The following TMEM245 variants were observed in gnomAD, a reference collection of about 807,000 sequenced individuals.
The protein encoded by TMEM245 is transmembrane protein 245, also known as protein CG-2.
In TMEM245, 69 loss-of-function variants were observed where a neutral mutation model predicts 101.2. That is an observed-to-expected ratio of 0.68 (90% CI 0.56 to 0.83). The LOEUF (loss-of-function observed/expected upper bound fraction) is 0.83. Ranked by LOEUF, TMEM245 falls within the 40% of genes least tolerant of loss-of-function variation. The pLI is 0.00. For synonymous variants in TMEM245, 537 were observed against 449.8 expected (o/e 1.19, Z -2.45); for missense variants, 1,075 against 1,092.8 (o/e 0.98, Z 0.23).
intron 14 of TMEM245, among the ~76,000 whole-genome samples, chr9:109,049,470 T>G (rs1828606353): frequency 6.6e-6 from 1 of 152,156 alleles, no homozygotes; most frequent in Admixed American, 6.5e-5. Context: ...TGCCTCAGCC[T>G]CCCAAAGTGC....
At chr9:109,095,904 G>C (rs941863661) in intron 3 of TMEM245, among the ~76,000 whole-genome samples, 9 of 152,172 alleles carry the variant, frequency 5.9e-5, no homozygotes, top group African/African-American at 1.9e-4. Context: ...AAAGAGACTA[G>C]AGGGGACCTA....
At chr9:109,048,981 A>G (rs1473703884) in intron 14 of TMEM245, among the ~76,000 whole-genome samples, 1 of 152,190 alleles carries the variant, frequency 6.6e-6, no homozygotes, top group Non-Finnish European at 1.5e-5. Context: ...GACAGAGGAG[A>G]AACAGGAAGT....
chr9:109,073,860 T>TTTG (rs1347471395), intron 8 of TMEM245, among the ~76,000 whole-genome samples: 19 of 148,204 alleles, frequency 1.3e-4, no homozygotes, highest in African/African-American at 4.7e-4. Flanking sequence ...TTTTTTGTTT[T>TTTG]TTTTTTTTTT....
At chr9:109,075,460 T>C (rs922800122) in intron 8 of TMEM245, among the ~76,000 whole-genome samples, 1 of 152,216 alleles carries the variant, frequency 6.6e-6, no homozygotes, top group Non-Finnish European at 1.5e-5. Flanking sequence ...ACATGTTTGA[T>C]AAAACTCATC....
chr9:109,075,208 C>G (rs1161392601), intron 8 of TMEM245, among the ~76,000 whole-genome samples: 2 of 152,202 alleles, frequency 1.3e-5, no homozygotes, highest in East Asian at 3.8e-4. Context: ...ACGGGTTTTA[C>G]ATTCCCGAAA....
At chr9:109,096,156 G>A (rs565469605) in intron 3 of TMEM245, among the ~76,000 whole-genome samples, 1 of 152,300 alleles carries the variant, frequency 6.6e-6, no homozygotes, top group Admixed American at 6.5e-5. Flanking sequence ...TGGCATATTA[G>A]AGTTATTTTT....
intron 1 of TMEM245, among the ~76,000 whole-genome samples, chr9:109,115,376 T>A (rs1830692571): frequency 6.7e-6 from 1 of 149,424 alleles, no homozygotes; most frequent in African/African-American, 2.5e-5. Context: ...AAAACATAGG[T>A]CCCAAAGACA....
intron 3 of TMEM245, among the ~76,000 whole-genome samples, chr9:109,102,162 T>C (rs1317521055): frequency 6.6e-6 from 1 of 152,144 alleles, no homozygotes; most frequent in Non-Finnish European, 1.5e-5. Flanking sequence ...ACAGGAAATT[T>C]ACTTCCACTA....
chr9:109,104,823 G>C (rs1475784107), intron 3 of TMEM245, among the ~76,000 whole-genome samples: 1 of 152,092 alleles, frequency 6.6e-6, no homozygotes, highest in Non-Finnish European at 1.5e-5. Flanking sequence ...AAAAGAATGA[G>C]GTTGGATCCT....
chr9:109,077,769 T>G (rs890427848), intron 8 of TMEM245, among the ~76,000 whole-genome samples: 3 of 152,334 alleles, frequency 2.0e-5, no homozygotes, highest in Middle Eastern at 6.8e-3. Context: ...ACAGTGTATG[T>G]TTTTTAATAT....
At chr9:109,040,284 A>T (rs1828263700) in intron 14 of TMEM245, among the ~76,000 whole-genome samples, 1 of 152,178 alleles carries the variant, frequency 6.6e-6, no homozygotes, top group African/African-American at 2.4e-5. Context: ...TTACCAGAAA[A>T]CAGAATTTAA....
intron 17 of TMEM245, among the ~76,000 whole-genome samples, chr9:109,023,089 A>C (rs1011084799): frequency 6.6e-6 from 1 of 152,212 alleles, no homozygotes; most frequent in Non-Finnish European, 1.5e-5. Context: ...AAGTCTCCAA[A>C]AGGACTCAGG....
intron 12 of TMEM245, among the ~76,000 whole-genome samples, chr9:109,052,510 C>T (rs1487631748): frequency 6.6e-6 from 1 of 152,168 alleles, no homozygotes; most frequent in East Asian, 1.9e-4. Context: ...CATTCCTTTC[C>T]TACTTCAGAT....
In TMEM245 at chr9:109,020,291, G is replaced by A. The variant is rs1239406968; in HGVS notation, c.*169C>T. 2.5e-5 allele frequency: 18 copies of A among 729,878 alleles called. No homozygotes were observed. Among genetic ancestry groups the A allele is most frequent in the Admixed American group, 1.4e-4 (7 of 48,800 alleles). 45.2% of individuals were successfully genotyped at this position (729,878 alleles called of 1,614,324 possible). On this transcript the variant is annotated 3_prime_UTR_variant, in exon 18 of 18. Transcript: ENST00000374586. ...TGTGTTTTAAAATACAAAGCAGCCCGCAGCAAGTTCTCTCTTGTCCAGGCA... is the reference window on the plus strand; with the variant it reads ...TGTGTTTTAAAATACAAAGCAGCCCACAGCAAGTTCTCTCTTGTCCAGGCA...
chr9:109,091,762 T>C (rs1359953165), intron 4 of TMEM245, among the ~76,000 whole-genome samples: 7 of 152,206 alleles, frequency 4.6e-5, no homozygotes. Flanking sequence ...TTTCTAACAA[T>C]GCAACCACCA....
At chr9:109,083,554 T>A (rs1290082364) in intron 7 of TMEM245, among the ~76,000 whole-genome samples, 2 of 152,204 alleles carry the variant, frequency 1.3e-5, no homozygotes, top group African/African-American at 2.4e-5. Context: ...ATGCATTTTT[T>A]AAATTTAGAG....
At position 109,053,413 on chromosome 9, in the gene TMEM245, C is replaced by G. The variant is rs370553705; in HGVS notation, c.1855-2721G>C. Among the ~76,000 whole-genome samples, 139 of 152,074 alleles carry G rather than the reference C, an allele frequency of 9.1e-4. 3 individuals carry two copies. The South Asian group carries it at 0.026, about 28-fold the overall frequency. Reference sequence around the variant, plus strand: ...CTGTACTCCAGACTGGATGACAAAGCGAGACTCTCTCTCTGAGGGGGAAAA... The same window carrying G: ...CTGTACTCCAGACTGGATGACAAAGGGAGACTCTCTCTCTGAGGGGGAAAA... On this transcript the variant is annotated intron_variant, in intron 12 of 17. Coordinates refer to ENST00000374586, the MANE Select transcript of TMEM245 (RefSeq NM_032012.4).
At position 109,064,539 on chromosome 9, in the gene TMEM245, T is replaced by C. The variant is rs781666907; in HGVS notation, c.1561A>G (p.Arg521Gly). ...TTGTTAGCCGCAGAATTCAGGGCTC[T>C]TTGGACTACCTGAGCCTCAGGAAGC... ...NWLPEAQVVQ[R>G]ALNSAANNVY... The change falls in exon 10 of 18, where the codon AGA becomes GGA. Residue 521 changes from arginine (R) to glycine (G), a missense_variant. By Grantham distance (125) the Arg-to-Gly change is moderately radical. Coordinates refer to ENST00000374586, the MANE Select transcript of TMEM245 (RefSeq NM_032012.4). 1.2e-6 allele frequency: 2 copies of C among 1,613,946 alleles called. No individual in the cohort carries two copies. The highest frequency in any genetic ancestry group is 2.2e-5 in the South Asian group (2 of 91,078).
chr9:109,068,427 G>A (rs1280330437), intron 9 of TMEM245, among the ~76,000 whole-genome samples: 1 of 150,228 alleles, frequency 6.7e-6, no homozygotes, highest in Non-Finnish European at 1.5e-5. Flanking sequence ...GATCACTTGA[G>A]GTCAGGAGTT....
Sources: gnomAD v4.1 joint callset for allele counts (sites outside exome capture counted in the v4.1 genomes callset) on GRCh38, gnomAD v4.1.1 for gene constraint, MANE v1.5 for transcripts, NCBI Gene and HGNC (gene_info 2026-07-23, HGNC 2026-07-21) for gene names.